Variants in DEPTOR observed in about 807,000 individuals in gnomAD.
The protein encoded by DEPTOR is DEP domain containing MTOR interacting protein.
In DEPTOR, 41 loss-of-function variants were observed where a neutral mutation model predicts 41.6. The observed-to-expected ratio is 0.98, with a 90% confidence interval of 0.77 to 1.28. The LOEUF is 1.28. Ranked by LOEUF, DEPTOR falls within the 50% of genes most tolerant of loss-of-function variation. The pLI is 0.00. For synonymous variants in DEPTOR, 195 were observed against 192.3 expected, an observed-to-expected ratio of 1.01 and a Z score of -0.12; for missense variants, 514 against 527.9, an observed-to-expected ratio of 0.97 and a Z score of 0.26.
At chr8:119,879,688 G>T (rs751631060) in intron 1 of DEPTOR, among the ~76,000 whole-genome samples, 1 of 151,946 alleles carries the variant, frequency 6.6e-6, no homozygotes, top group African/African-American at 2.4e-5. Context: ...TCCAGCCTGG[G>T]TGACAGAGCA....
At chr8:120,032,724 A>G (rs1358613991) in intron 8 of DEPTOR, among the ~76,000 whole-genome samples, 2 of 152,170 alleles carry the variant, frequency 1.3e-5, no homozygotes, top group South Asian at 2.1e-4. Flanking sequence ...ACCTCTCACT[A>G]CATTTAACCA....
chr8:119,972,767 T>C (rs1828650164), intron 4 of DEPTOR, among the ~76,000 whole-genome samples: 1 of 152,078 alleles, frequency 6.6e-6, no homozygotes, highest in Non-Finnish European at 1.5e-5. Context: ...CAGGCCCCAC[T>C]AGAAAAAAAT....
intron 3 of DEPTOR, among the ~76,000 whole-genome samples, chr8:119,947,569 A>G (rs1396723091): frequency 1.3e-5 from 2 of 152,122 alleles, no homozygotes; most frequent in Non-Finnish European, 2.9e-5. Flanking sequence ...ATTATATATA[A>G]GAGCAGTTCC....
At chr8:119,926,703 T>A (rs776106660) in intron 1 of DEPTOR, among the ~76,000 whole-genome samples, 1 of 152,224 alleles carries the variant, frequency 6.6e-6, no homozygotes, top group South Asian at 2.1e-4. Context: ...TCTCCTTTAG[T>A]ATTTTCCTGA....
At chr8:120,006,642 G>C (rs1812442293) in intron 6 of DEPTOR, among the ~76,000 whole-genome samples, 163 bp from the exon 7 acceptor site, 1 of 151,634 alleles carries the variant, frequency 6.6e-6, no homozygotes, top group South Asian at 2.1e-4. Context: ...TATGTTTGCT[G>C]CTATTTACTG....
chr8:119,959,314 C>G (rs1266847729), intron 3 of DEPTOR, among the ~76,000 whole-genome samples: 1 of 151,640 alleles, frequency 6.6e-6, no homozygotes, highest in Non-Finnish European at 1.5e-5. Flanking sequence ...AGGCGCCCAC[C>G]ACCACGCCCA....
At chr8:119,907,611 G>A (rs1018315185) in intron 1 of DEPTOR, among the ~76,000 whole-genome samples, 1 of 152,138 alleles carries the variant, frequency 6.6e-6, no homozygotes. Context: ...TGGCCAACAT[G>A]GTGAAACCCC....
chr8:119,891,629 T>C (rs1385259500), intron 1 of DEPTOR, among the ~76,000 whole-genome samples: 1 of 152,212 alleles, frequency 6.6e-6, no homozygotes, highest in Non-Finnish European at 1.5e-5. Context: ...ACTTGGAAGA[T>C]ATGCCTGTCC....
intron 1 of DEPTOR, among the ~76,000 whole-genome samples, chr8:119,898,905 G>T (rs1038206936): frequency 2.6e-5 from 4 of 152,036 alleles, no homozygotes; most frequent in Non-Finnish European, 5.9e-5. Flanking sequence ...TACAGAAGAT[G>T]ACATTAAAAA....
chr8:119,939,259 C>T (rs1227037730), intron 3 of DEPTOR, among the ~76,000 whole-genome samples: 2 of 152,200 alleles, frequency 1.3e-5, no homozygotes, highest in African/African-American at 4.8e-5. Context: ...TTGGCTCGCT[C>T]ATCTTCTGTA....
chr8:119,962,747 C>G (rs2129960860), intron 3 of DEPTOR, among the ~76,000 whole-genome samples: 1 of 152,222 alleles, frequency 6.6e-6, no homozygotes, highest in East Asian at 1.9e-4. Flanking sequence ...ATAGTATAGT[C>G]AATTAAGAAA....
intron 1 of DEPTOR, among the ~76,000 whole-genome samples, chr8:119,879,739 C>T (rs1331872122): frequency 2.1e-5 from 3 of 144,720 alleles, no homozygotes; most frequent in Admixed American, 7.1e-5. Flanking sequence ...GGGCCGGGCA[C>T]GGGGACTCAT....
chr8:120,034,223 G>A (rs903863577), intron 8 of DEPTOR, among the ~76,000 whole-genome samples: 1 of 150,212 alleles, frequency 6.7e-6, no homozygotes, highest in East Asian at 2.0e-4. Context: ...AAAACACTAC[G>A]AACAAGATAG....
At chr8:119,985,003 A>G (rs1163965351) in intron 4 of DEPTOR, among the ~76,000 whole-genome samples, 1 of 152,066 alleles carries the variant, frequency 6.6e-6, no homozygotes, top group East Asian at 1.9e-4. Context: ...TGGCCTACAT[A>G]GTGACTAAAA....
At chr8:120,044,580 T>C (rs1813128135) in intron 8 of DEPTOR, among the ~76,000 whole-genome samples, 1 of 152,072 alleles carries the variant, frequency 6.6e-6, no homozygotes, top group Non-Finnish European at 1.5e-5. Flanking sequence ...ACCCTGTGAA[T>C]AGGGGGAGGG....
At chr8:119,989,243 C>G (rs1323492135) in intron 4 of DEPTOR, among the ~76,000 whole-genome samples, 1 of 151,972 alleles carries the variant, frequency 6.6e-6, no homozygotes, top group Non-Finnish European at 1.5e-5. Flanking sequence ...TCAAGTGACC[C>G]TTGTGCCTTG....
intron 7 of DEPTOR, among the ~76,000 whole-genome samples, chr8:120,007,108 T>C (rs186622973): frequency 5.1e-4 from 78 of 152,368 alleles, no homozygotes; most frequent in African/African-American, 1.8e-3. Flanking sequence ...TGTTCTTTGT[T>C]AAAGAAAAGA....
At chr8:119,984,788 A>G (rs1303798234) in intron 4 of DEPTOR, among the ~76,000 whole-genome samples, 1 of 152,180 alleles carries the variant, frequency 6.6e-6, no homozygotes, top group African/African-American at 2.4e-5. Context: ...ATACCTAGTA[A>G]TGGGATTGCT....
intron 8 of DEPTOR, among the ~76,000 whole-genome samples, chr8:120,046,715 T>C (rs1290601067): frequency 6.6e-6 from 1 of 152,144 alleles, no homozygotes; most frequent in Non-Finnish European, 1.5e-5. Context: ...GTGTTAGGAT[T>C]ACAGGCATGT....
Sources: allele counts gnomAD v4.1 joint callset (sites outside exome capture counted in the v4.1 genomes callset), GRCh38; gene constraint gnomAD v4.1.1; transcripts MANE v1.5; gene names NCBI Gene and HGNC (gene_info 2026-07-23, HGNC 2026-07-21).